ROBO1: variants seen among roughly 807,000 people sequenced by gnomAD.
ROBO1 encodes roundabout homolog 1.
In ROBO1, 149 loss-of-function variants were observed where a neutral mutation model predicts 195.9. That is an observed-to-expected ratio of 0.76 (90% confidence interval 0.67 to 0.87). The LOEUF (loss-of-function observed/expected upper bound fraction) is 0.87. Among genes scored for constraint, ROBO1 ranks in the 40% least tolerant of loss-of-function variants. The pLI, the probability that ROBO1 is intolerant of heterozygous loss-of-function variation, is 0.00. For missense variants in ROBO1, 1,933 were observed against 2,068.3 expected (o/e 0.93, Z 1.27); for synonymous variants, 816 against 733.2 (o/e 1.11, Z -1.82).
intron 2 of ROBO1, among the ~76,000 whole-genome samples, chr3:79,281,093 G>A (rs1437681618): frequency 6.6e-6 from 1 of 152,184 alleles, no homozygotes; most frequent in Non-Finnish European, 1.5e-5. Flanking sequence ...TAGATATTGA[G>A]TTTCTGTGTT....
chr3:79,513,719 A>T (rs2107550278), intron 2 of ROBO1, among the ~76,000 whole-genome samples: 1 of 152,292 alleles, frequency 6.6e-6, no homozygotes, highest in African/African-American at 2.4e-5. Flanking sequence ...GGAAAAAAAA[A>T]AATCCCATTC....
At chr3:79,285,167 ATATGGCT>A (rs2031809754) in intron 2 of ROBO1, among the ~76,000 whole-genome samples, 1 of 152,198 alleles carries the variant, frequency 6.6e-6, no homozygotes, top group African/African-American at 2.4e-5. Context: ...AAGAGTTTAT[ATATGGCT>A]AACCGATTAA....
At chr3:79,714,672 A>G (rs2107253322) in intron 1 of ROBO1, among the ~76,000 whole-genome samples, 1 of 152,140 alleles carries the variant, frequency 6.6e-6, no homozygotes, top group Non-Finnish European at 1.5e-5. Context: ...TGCAGCCATA[A>G]AAAATGATGA....
chr3:79,004,456 T>G (rs1397726049), intron 3 of ROBO1, among the ~76,000 whole-genome samples: 1 of 152,136 alleles, frequency 6.6e-6, no homozygotes, highest in Non-Finnish European at 1.5e-5. Context: ...CTCTCGTAGT[T>G]TGAAAGGAGA....
At chr3:79,662,340 T>C (rs1189210363) in intron 1 of ROBO1, among the ~76,000 whole-genome samples, 4 of 152,148 alleles carry the variant, frequency 2.6e-5, no homozygotes, top group Non-Finnish European at 5.9e-5. Flanking sequence ...TTCTACATTA[T>C]AGATATTTTG....
intron 28 of ROBO1, among the ~76,000 whole-genome samples, chr3:78,610,416 A>G (rs912780408): frequency 2.0e-5 from 3 of 152,210 alleles, no homozygotes; most frequent in Non-Finnish European, 4.4e-5. Flanking sequence ...GTTCAGACTG[A>G]GCCTGGGATT....
At chr3:79,183,576 A>C (rs2081384364) in intron 2 of ROBO1, among the ~76,000 whole-genome samples, 1 of 152,244 alleles carries the variant, frequency 6.6e-6, no homozygotes, top group East Asian at 1.9e-4. Flanking sequence ...AACATTCTCC[A>C]GGTTTGCTGG....
chr3:79,135,020 C>G, intron 2 of ROBO1, among the ~76,000 whole-genome samples: 1 of 147,608 alleles, frequency 6.8e-6, no homozygotes, highest in African/African-American at 2.5e-5. Context: ...CACATGTACC[C>G]TAAAACTTAG....
intron 5 of ROBO1, among the ~76,000 whole-genome samples, chr3:78,737,756 T>C (rs972944577): frequency 6.6e-6 from 1 of 152,210 alleles, no homozygotes; most frequent in Non-Finnish European, 1.5e-5. Flanking sequence ...CAATGACTGG[T>C]ACAATAAAGT....
At chr3:79,618,742 C>T (rs1312085841) in intron 1 of ROBO1, among the ~76,000 whole-genome samples, 1 of 152,166 alleles carries the variant, frequency 6.6e-6, no homozygotes, top group African/African-American at 2.4e-5. Context: ...TGCCTCACTC[C>T]ATGAGGAGAT....
At chr3:78,918,167 AT>A (rs2038736618) in intron 4 of ROBO1, among the ~76,000 whole-genome samples, 1 of 152,198 alleles carries the variant, frequency 6.6e-6, no homozygotes, top group Non-Finnish European at 1.5e-5. Context: ...GAACACATAT[AT>A]ATGGTAAACC....
chr3:79,504,440 T>C (rs1225534120), intron 2 of ROBO1, among the ~76,000 whole-genome samples: 1 of 152,134 alleles, frequency 6.6e-6, no homozygotes, highest in Non-Finnish European at 1.5e-5. Context: ...CTATGAAGAA[T>C]GTATTAAAGG....
At chr3:78,804,732 C>G (rs1201774646) in intron 4 of ROBO1, among the ~76,000 whole-genome samples, 1 of 93,182 alleles carries the variant, frequency 1.1e-5, no homozygotes, top group Non-Finnish European at 2.2e-5. Context: ...GGAGCAAAGG[C>G]AAAAAAAAAA....
chr3:79,239,887 T>C (rs2108876364), intron 2 of ROBO1, among the ~76,000 whole-genome samples: 1 of 152,248 alleles, frequency 6.6e-6, no homozygotes. Context: ...CCCACCTACA[T>C]TTTTAAAAAT....
In ROBO1 at chr3:78,816,492, C is replaced by T. The variant is rs537776387; in HGVS notation, c.500-69592G>A. On this transcript the variant is annotated intron_variant, in intron 4 of 30. Coordinates refer to ENST00000464233, the MANE Select transcript of ROBO1 (RefSeq NM_002941.4). Reference sequence around the variant, plus strand: ...TTCAAGCCTTATTATTTAAGAAATACATTAATATTTTGTAAGGCTATATAG... The same window carrying T: ...TTCAAGCCTTATTATTTAAGAAATATATTAATATTTTGTAAGGCTATATAG... 9.2e-5 allele frequency among the ~76,000 whole-genome samples: 14 copies of T among 152,158 alleles called. No homozygotes were observed. The East Asian group carries it at 1.9e-3, about 21-fold the overall frequency.
chr3:79,693,949 C>CT lies in ROBO1; in HGVS notation c.-51+73802dup, dbSNP rs552778811. Among the ~76,000 whole-genome samples, 672 of 151,632 alleles carry CT rather than the reference C, an allele frequency of 4.4e-3. 4 individuals carry two copies. The highest frequency in any genetic ancestry group is 6.9e-3 in the Non-Finnish European group (470 of 67,816). Reference sequence around the variant, plus strand: ...ATTATATTTTTTCAAAATTCAGACTCTTTTCCAAGTCTAAGTTTTGGACAT... The same window carrying CT: ...ATTATATTTTTTCAAAATTCAGACTCTTTTTCCAAGTCTAAGTTTTGGACAT... On this transcript the variant is annotated intron_variant, in intron 1 of 30. Coordinates refer to ENST00000464233, the MANE Select transcript of ROBO1 (RefSeq NM_002941.4).
At chr3:79,680,828 A>G (rs1213163646) in intron 1 of ROBO1, among the ~76,000 whole-genome samples, 1 of 152,004 alleles carries the variant, frequency 6.6e-6, no homozygotes, top group Non-Finnish European at 1.5e-5. Flanking sequence ...GTAATATTGA[A>G]GAATCTCTAG....
chr3:79,418,186 G>A lies in ROBO1; in HGVS notation c.88+171638C>T, dbSNP rs138390139. On this transcript the variant is annotated intron_variant, in intron 2 of 30. Transcript: ENST00000464233. The stretch of plus-strand genomic sequence containing the variant: ...TCTAAGAAGCTCTGTATTTATCTCT[G>A]GTACCTGCACTGGCACTGGTGTGTT... Among the ~76,000 whole-genome samples the A allele has an allele frequency of 7.6e-3, 1,150 of 152,138 alleles. 21 individuals carry two copies. The highest frequency in any genetic ancestry group is 0.025 in the African/African-American group (1,032 of 41,520).
chr3:79,148,570 C>T (rs1480856406), intron 2 of ROBO1, among the ~76,000 whole-genome samples: 2 of 151,786 alleles, frequency 1.3e-5, no homozygotes, highest in Non-Finnish European at 2.9e-5. Context: ...GAGAAATAGA[C>T]AAAGCCAATT....
Sources: allele counts gnomAD v4.1 joint callset (sites outside exome capture counted in the v4.1 genomes callset), GRCh38; gene constraint gnomAD v4.1.1; transcripts MANE v1.5; gene names NCBI Gene and HGNC (gene_info 2026-07-23, HGNC 2026-07-21).